The following AP3B1 variants were observed in gnomAD, a reference collection of about 807,000 sequenced individuals.
AP3B1 encodes adaptor related protein complex 3 subunit beta 1, also known as AP-3 complex subunit beta-1.
Under a neutral mutation model 132.5 loss-of-function variants are expected in AP3B1, and 61 were observed. The ratio of observed to expected loss-of-function variants is 0.46; its 90% confidence interval spans 0.37 to 0.57. The LOEUF (loss-of-function observed/expected upper bound fraction) is 0.57. Among genes scored for constraint, AP3B1 ranks in the 20% least tolerant of loss-of-function variants. AP3B1 has a pLI of 0.00. For synonymous variants in AP3B1, 388 were observed against 438.3 expected (o/e 0.89, Z 1.43); for missense variants, 1,120 against 1,289.4 (o/e 0.87, Z 2.01).
At chr5:78,045,718 T>C (rs931972572) in intron 22 of AP3B1, among the ~76,000 whole-genome samples, 1 of 152,236 alleles carries the variant, frequency 6.6e-6, no homozygotes, top group African/African-American at 2.4e-5. Flanking sequence ...AATGGCGTTC[T>C]TGACTTCATA....
At chr5:78,266,185 A>C (rs114351444) in intron 2 of AP3B1, among the ~76,000 whole-genome samples, 157 of 152,326 alleles carry the variant, frequency 1.0e-3, no homozygotes, top group African/African-American at 3.6e-3. Flanking sequence ...ATGGTAAATG[A>C]AATTTGAACC....
intron 17 of AP3B1, chr5:78,122,017 C>T (rs1381611299): frequency 1.3e-5 from 2 of 152,208 alleles, no homozygotes; most frequent in East Asian, 1.9e-4. Flanking sequence ...TGGGCTTCAT[C>T]CCTGGGATGC....
In AP3B1 at chr5:78,039,118, G is replaced by A. The variant is rs752519227; in HGVS notation, c.2734C>T (p.Arg912Ter). ...CCTATGTGGATATTTTCTATCTTTC[G>A]ATCAGTAGTGTTATTCAGTGTTATT... ...IQITLNNTTD[R>*]KIENIHIGEK... Residue 912 changes from arginine (R) to a stop codon, truncating the protein, a stop_gained, in exon 23 of 27, where the codon CGA becomes TGA. Transcript: ENST00000255194. LOFTEE classifies it high-confidence loss of function. 5.6e-6 allele frequency: 9 copies of A among 1,612,754 alleles called. No homozygotes were observed. The highest frequency in any genetic ancestry group is 7.6e-6 in the Non-Finnish European group (9 of 1,179,466).
chr5:78,012,757 C>G (rs998506328), intron 26 of AP3B1, among the ~76,000 whole-genome samples: 1 of 152,130 alleles, frequency 6.6e-6, no homozygotes, highest in African/African-American at 2.4e-5. Flanking sequence ...ATGAGGACCA[C>G]GAACATTAAG....
intron 24 of AP3B1, among the ~76,000 whole-genome samples, chr5:78,032,795 G>T (rs1477955356): frequency 6.6e-6 from 1 of 151,802 alleles, no homozygotes; most frequent in Non-Finnish European, 1.5e-5. Flanking sequence ...GCTTTTAATA[G>T]TCAAGAACAT....
intron 2 of AP3B1, among the ~76,000 whole-genome samples, chr5:78,249,496 G>A (rs1039523432): frequency 6.6e-6 from 1 of 150,524 alleles, no homozygotes. Flanking sequence ...TGATGCATAC[G>A]TTAGACCTTT....
At chr5:78,149,793 C>G (rs1380607027) in intron 14 of AP3B1, among the ~76,000 whole-genome samples, 1 of 152,196 alleles carries the variant, frequency 6.6e-6, no homozygotes, top group Non-Finnish European at 1.5e-5. Context: ...CCCTACATCT[C>G]TCATACACAA....
intron 2 of AP3B1, among the ~76,000 whole-genome samples, chr5:78,255,980 C>T (rs1747830108): frequency 6.6e-6 from 1 of 151,946 alleles, no homozygotes; most frequent in African/African-American, 2.4e-5. Context: ...CAATATGCTC[C>T]TGAATGACCA....
At chr5:78,187,107 T>C (rs934885969) in intron 7 of AP3B1, among the ~76,000 whole-genome samples, 1 of 152,194 alleles carries the variant, frequency 6.6e-6, no homozygotes, top group Non-Finnish European at 1.5e-5. Context: ...ACACTACTTG[T>C]CTTTTAGTGC....
rs1188811427 is a variant in AP3B1, at chr5:78,162,911, G to A, written c.1271C>T (p.Thr424Ile). Residue 424 changes from threonine (T) to isoleucine (I), a missense_variant, in exon 13 of 27, where the codon ACT becomes ATT. By Grantham distance (89) the Thr-to-Ile change is moderately conservative. This residue lies in a region of AP3B1 where 906 missense variants were observed against 997.1 expected (regional missense o/e 0.91). Coordinates refer to ENST00000255194, the MANE Select transcript of AP3B1 (RefSeq NM_003664.5). ...TGCACATCTGCCTATAGTCTGAATA[G>A]TGGCTGCTGCAAATTGTTTATCCTG... ...KSQDKQFAAA[T>I]IQTIGRCATN... The A allele has an allele frequency of 6.8e-6, 11 of 1,613,818 alleles. No homozygotes were observed. In the Admixed American group the frequency reaches 1.5e-4, roughly 22 times the overall value.
intron 1 of AP3B1, among the ~76,000 whole-genome samples, chr5:78,278,625 AGG>A (rs771858500): frequency 0.16 from 8,272 of 52,534 alleles, 1,511 homozygotes; most frequent in African/African-American, 0.17. Context: ...AAAAAAAAAA[AGG>A]GGGGGGGGGA....
chr5:78,173,630 C>T (rs1263557664), intron 11 of AP3B1, among the ~76,000 whole-genome samples: 1 of 148,188 alleles, frequency 6.7e-6, no homozygotes, highest in Non-Finnish European at 1.5e-5. Context: ...TTATTTTGAG[C>T]CTATGTGTGT....
chr5:78,027,375 C>T (rs1053612248), intron 24 of AP3B1, among the ~76,000 whole-genome samples: 2 of 152,014 alleles, frequency 1.3e-5, no homozygotes, highest in South Asian at 2.1e-4. Flanking sequence ...TTATGACATA[C>T]AAAATTTCTA....
chr5:78,234,493 T>C (rs1746789408), intron 3 of AP3B1, among the ~76,000 whole-genome samples: 1 of 152,186 alleles, frequency 6.6e-6, no homozygotes, highest in Non-Finnish European at 1.5e-5. Flanking sequence ...TTCCTAAGAA[T>C]ACAGCAATGG....
chr5:78,165,219 G>A (rs559532588), intron 12 of AP3B1, among the ~76,000 whole-genome samples: 2 of 152,166 alleles, frequency 1.3e-5, no homozygotes, highest in African/African-American at 4.8e-5. Context: ...AGGCTAAGGG[G>A]GCAGTGTCAA....
chr5:78,224,879 C>T (rs1380988464), intron 6 of AP3B1, among the ~76,000 whole-genome samples: 3 of 151,978 alleles, frequency 2.0e-5, no homozygotes, highest in East Asian at 3.8e-4. Context: ...GACTTCAATA[C>T]CCTGTTTTCA....
At chr5:78,114,591 A>G (rs1239708865) in intron 18 of AP3B1, among the ~76,000 whole-genome samples, 3 of 152,200 alleles carry the variant, frequency 2.0e-5, no homozygotes, top group Non-Finnish European at 4.4e-5. Flanking sequence ...TGAAGAATAT[A>G]TGTGTATTTT....
chr5:78,127,355 T>C (rs1026552472), intron 17 of AP3B1, among the ~76,000 whole-genome samples: 3 of 152,294 alleles, frequency 2.0e-5, no homozygotes, highest in South Asian at 4.1e-4. Flanking sequence ...AATTGCTAAA[T>C]ACAATTAGAA....
chr5:78,192,384 T>C (rs1318963271), intron 7 of AP3B1, among the ~76,000 whole-genome samples: 1 of 151,806 alleles, frequency 6.6e-6, no homozygotes, highest in Non-Finnish European at 1.5e-5. Context: ...GGCTCACACC[T>C]GTAATCCCAG....
Sources: gnomAD v4.1 joint callset for allele counts (sites outside exome capture counted in the v4.1 genomes callset) on GRCh38, gnomAD v4.1.1 for gene constraint, gnomAD v4.1.1 regional missense constraint, MANE v1.5 for transcripts, NCBI Gene and HGNC (gene_info 2026-07-23, HGNC 2026-07-21) for gene names.